Variants in RAPGEF1 observed in about 807,000 individuals in gnomAD.
RAPGEF1 encodes the protein CRK SH3-binding GNRP.
A neutral mutation model predicts 143.3 loss-of-function variants in RAPGEF1; 33 were observed. The ratio of observed to expected loss-of-function variants is 0.23; its 90% CI spans 0.17 to 0.31. The LOEUF (loss-of-function observed/expected upper bound fraction) is 0.31. Among genes scored for constraint, RAPGEF1 ranks in the 10% least tolerant of loss-of-function variants. The pLI is 1.00. For synonymous variants in RAPGEF1, 629 were observed against 676.5 expected (o/e 0.93, Z 1.09); for missense variants, 1,199 against 1,645.4 (o/e 0.73, Z 4.69).
chr9:131,695,325 C>G (rs1400145767), intron 1 of RAPGEF1, among the ~76,000 whole-genome samples: 1 of 152,190 alleles, frequency 6.6e-6, no homozygotes, highest in East Asian at 1.9e-4. Flanking sequence ...ATTCCTGAGG[C>G]AGAACCAATT....
intron 18 of RAPGEF1, among the ~76,000 whole-genome samples, chr9:131,590,848 G>A (rs1401849721): frequency 3.9e-5 from 6 of 152,260 alleles, no homozygotes. Flanking sequence ...CAGGGGGCAA[G>A]CAGCGTGTGG....
At chr9:131,636,781 G>A (rs1966475992) in intron 5 of RAPGEF1, among the ~76,000 whole-genome samples, 1 of 152,210 alleles carries the variant, frequency 6.6e-6, no homozygotes, top group African/African-American at 2.4e-5. Flanking sequence ...GCTGAACCCA[G>A]TGTGCTACTG....
chr9:131,658,235 A>G (rs1973054161), intron 1 of RAPGEF1, among the ~76,000 whole-genome samples: 1 of 152,204 alleles, frequency 6.6e-6, no homozygotes, highest in Admixed American at 6.5e-5. Context: ...TTACAGTCCC[A>G]CTAGCAAGGT....
At chr9:131,720,826 C>A (rs1007031021) in intron 1 of RAPGEF1, among the ~76,000 whole-genome samples, 1 of 152,054 alleles carries the variant, frequency 6.6e-6, no homozygotes, top group Non-Finnish European at 1.5e-5. Flanking sequence ...TTAACCAAGA[C>A]AAGTGTCCCT....
intron 1 of RAPGEF1, among the ~76,000 whole-genome samples, chr9:131,713,720 T>C (rs1835668460): frequency 6.6e-6 from 1 of 152,144 alleles, no homozygotes; most frequent in Admixed American, 6.5e-5. Flanking sequence ...GCCCAGGAGG[T>C]CAAGACTGCA....
intron 1 of RAPGEF1, among the ~76,000 whole-genome samples, chr9:131,670,071 A>G (rs1407321682): frequency 2.6e-5 from 4 of 152,188 alleles, no homozygotes; most frequent in Non-Finnish European, 5.9e-5. Context: ...TACAGGTACC[A>G]CTGTCTTCAT....
rs1248325009 is a variant in RAPGEF1 at position 131,650,737 on chromosome 9, G to A, written c.201+73C>T. 2 of 1,565,640 alleles carry A rather than the reference G, an allele frequency of 1.3e-6. No homozygotes were observed. The highest frequency in any genetic ancestry group is 1.8e-5 in the Admixed American group (1 of 55,550). ...ACTGAAAGCTCAATCCCCAGGGAGG[G>A]AACATACAAATCGCACAAACTCATA... On this transcript the variant is annotated intron_variant, in intron 2 of 26. Transcript: ENST00000683357. This position sits in a 1 kb window ranked among gnomAD's most constrained non-coding sequence, Gnocchi z 4.7.
intron 1 of RAPGEF1, among the ~76,000 whole-genome samples, chr9:131,706,439 T>C (rs777344499): frequency 5.3e-5 from 8 of 152,154 alleles, no homozygotes; most frequent in Non-Finnish European, 1.2e-4. Context: ...ATTTTTTGTA[T>C]TTTTGGTAGA....
rs1970679681 is a variant in RAPGEF1 at position 131,650,003 on chromosome 9, C to T, written c.315+126G>A. 1 of 719,382 alleles carries T rather than the reference C, an allele frequency of 1.4e-6. No homozygotes were observed. Among genetic ancestry groups the T allele is most frequent in the East Asian group, 2.8e-5 (1 of 35,600 alleles). 44.6% of individuals were successfully genotyped at this position (719,382 alleles called of 1,614,324 possible). On this transcript the variant is annotated intron_variant, in intron 3 of 26. Transcript: ENST00000683357. This position sits in a 1 kb window ranked among gnomAD's most constrained non-coding sequence, Gnocchi z 4.7. ...CTGGACTCTTTCCTGAACAATTCAG[C>T]CCACGGTCACCACCCAGTTGAACAT...
Position 131,604,934 on chromosome 9 carries a change from G to C in RAPGEF1, c.2316C>G (p.Asp772Glu). Residue 772 changes from aspartate (D) to glutamate (E), a missense_variant, in exon 13 of 27, where the codon GAC (aspartate) becomes GAG (glutamate). Physicochemically the swap from Asp to Glu is conservative, Grantham distance 45. Transcript: ENST00000683357. ...VCLPSETSFT[D>E]SSENASEEAG... is the part of the protein sequence containing the mutation. ...TGTGTGCACGCTGAGTTCTCACCGA[G>C]TCAGTGAAAGAGGTTTCGGAAGGAA... 1 of 1,302,606 alleles carries C rather than the reference G, an allele frequency of 7.7e-7. No homozygotes were observed. Among genetic ancestry groups the C allele is most frequent in the Non-Finnish European group, 1.0e-6 (1 of 987,580 alleles). 80.7% of individuals were successfully genotyped at this position (1,302,606 alleles called of 1,614,324 possible).
At chr9:131,685,406 G>A (rs1056020261) in intron 1 of RAPGEF1, among the ~76,000 whole-genome samples, 1 of 152,212 alleles carries the variant, frequency 6.6e-6, no homozygotes, top group Non-Finnish European at 1.5e-5. Flanking sequence ...TAATGCCCAC[G>A]CTGGAAGGTT....
At chr9:131,739,309 G>C (rs1837603472) in intron 1 of RAPGEF1, among the ~76,000 whole-genome samples, 2 of 152,240 alleles carry the variant, frequency 1.3e-5, no homozygotes, top group Admixed American at 1.3e-4. Flanking sequence ...TTCCTTTGAA[G>C]CAACCGAAGT....
intron 18 of RAPGEF1, among the ~76,000 whole-genome samples, chr9:131,590,327 G>C (rs28423970): frequency 0.016 from 2,409 of 152,208 alleles, 72 homozygotes; most frequent in African/African-American, 0.054. Context: ...GGTAGAGAAC[G>C]GTGGGCCCAA....
intron 12 of RAPGEF1, 32 bp from the exon 13 acceptor site, chr9:131,605,220 C>T (rs751315528): frequency 3.9e-5 from 49 of 1,265,210 alleles, no homozygotes; most frequent in South Asian, 6.6e-5. Context: ...CAAACAAAAA[C>T]GAGAATACAA....
In RAPGEF1 at chr9:131,626,366, T is replaced by A; in HGVS notation, c.1258A>T (p.Ile420Leu). The A allele has an allele frequency of 6.2e-7, 1 of 1,613,914 alleles. No individual in the cohort carries two copies. The highest frequency in any genetic ancestry group is 1.3e-5 in the African/African-American group (1 of 75,050). Residue 420 changes from isoleucine to leucine, a missense_variant, in exon 10 of 27, where the codon ATA becomes TTA. This residue lies in a region of RAPGEF1 where 613 missense variants were observed against 710.9 expected (regional missense o/e 0.86). Coordinates refer to ENST00000683357, the MANE Select transcript of RAPGEF1 (RefSeq NM_001377935.1). The part of the protein sequence containing the change: ...LQQDLSNADQ[I>L]PQQTAWNLSP... The stretch of plus-strand genomic sequence containing the variant: ...AGGTTCCAGGCCGTCTGCTGAGGTA[T>A]CTGGTCTGCGTTAGAGAGGTCTTGC...
intron 1 of RAPGEF1, among the ~76,000 whole-genome samples, chr9:131,738,770 G>A (rs1837573440): frequency 6.6e-6 from 1 of 152,198 alleles, no homozygotes; most frequent in African/African-American, 2.4e-5. Context: ...GCCTGCAAAA[G>A]TCATATTGCC....
chr9:131,689,058 T>A (rs1833584775), intron 1 of RAPGEF1, among the ~76,000 whole-genome samples: 1 of 152,242 alleles, frequency 6.6e-6, no homozygotes, highest in African/African-American at 2.4e-5. Context: ...CCAAGAGTCA[T>A]CTTTTTGGAA....
intron 1 of RAPGEF1, among the ~76,000 whole-genome samples, chr9:131,711,721 G>C (rs60069533): frequency 6.6e-6 from 1 of 152,098 alleles, no homozygotes; most frequent in Non-Finnish European, 1.5e-5. Flanking sequence ...ATCTGGCTTC[G>C]GTCAATTTAG....
chr9:131,673,021 A>G (rs917028470), intron 1 of RAPGEF1, among the ~76,000 whole-genome samples: 2 of 152,172 alleles, frequency 1.3e-5, no homozygotes, highest in African/African-American at 4.8e-5. Context: ...CTTCTGCTTC[A>G]GGGCTTGCTT....
Sources: allele counts gnomAD v4.1 joint callset (sites outside exome capture counted in the v4.1 genomes callset), GRCh38; gene constraint gnomAD v4.1.1; regional missense constraint gnomAD v4.1.1; non-coding constraint Gnocchi (gnomAD v3.1); transcripts MANE v1.5; gene names NCBI Gene and HGNC (gene_info 2026-07-23, HGNC 2026-07-21).